The following CADM2 variants were observed in gnomAD, a reference collection of about 807,000 sequenced individuals.
The protein encoded by CADM2 is immunoglobulin superfamily member 4D.
CADM2 carries 12 observed loss-of-function variants against 49.8 expected under a neutral mutation model. The observed-to-expected ratio is 0.24, with a 90% CI of 0.15 to 0.39. The LOEUF is 0.39. Ranked by LOEUF, CADM2 falls within the 10% of genes least tolerant of loss-of-function variation. The pLI is 1.00. For missense variants in CADM2, 378 were observed against 492.3 expected, an observed-to-expected ratio of 0.77 and a Z score of 2.20; for synonymous variants, 214 against 175.4, an observed-to-expected ratio of 1.22 and a Z score of -1.74.
chr3:85,808,648 T>C (rs2072613334), intron 3 of CADM2, among the ~76,000 whole-genome samples: 1 of 152,144 alleles, frequency 6.6e-6, no homozygotes, highest in Admixed American at 6.5e-5. Context: ...TGAGCTTGTA[T>C]GTGTTTTTAT....
chr3:85,992,730 G>A (rs1577887665), intron 8 of CADM2: 1 of 152,166 alleles, frequency 6.6e-6, no homozygotes, highest in African/African-American at 2.4e-5. Context: ...AAATGCTAAT[G>A]ATCGTCTGAG....
At chr3:85,153,364 T>C (rs912072740) in intron 1 of CADM2, among the ~76,000 whole-genome samples, 2 of 152,204 alleles carry the variant, frequency 1.3e-5, no homozygotes, top group Non-Finnish European at 2.9e-5. Context: ...ACCCGAATAC[T>C]GCACTTTTCT....
chr3:85,746,188 G>A (rs2068613508), intron 2 of CADM2, among the ~76,000 whole-genome samples: 1 of 152,138 alleles, frequency 6.6e-6, no homozygotes, highest in African/African-American at 2.4e-5. Context: ...TGGCAATCCA[G>A]TAATAACATC....
At chr3:86,017,345 A>G (rs1009497970) in intron 8 of CADM2, among the ~76,000 whole-genome samples, 2 of 152,040 alleles carry the variant, frequency 1.3e-5, no homozygotes, top group African/African-American at 4.8e-5. Flanking sequence ...CTAATTATTT[A>G]CACAAGAGCT....
intron 8 of CADM2, among the ~76,000 whole-genome samples, chr3:86,057,038 A>C (rs527991722): frequency 2.0e-5 from 3 of 152,326 alleles, no homozygotes; most frequent in African/African-American, 7.2e-5. Context: ...CTATGTGTAA[A>C]TCACTGCACA....
intron 1 of CADM2, among the ~76,000 whole-genome samples, chr3:85,633,868 C>G (rs183834879): frequency 3.9e-4 from 60 of 152,000 alleles, no homozygotes; most frequent in Non-Finnish European, 6.3e-4. Context: ...GGACCTTCAC[C>G]AGTGAGAGTA....
intron 2 of CADM2, among the ~76,000 whole-genome samples, chr3:85,799,050 G>T (rs146186359): frequency 0.051 from 7,764 of 152,012 alleles, 559 homozygotes; most frequent in African/African-American, 0.16. Context: ...ATGGGAGTTT[G>T]CTCATTATTT....
chr3:85,863,589 G>A lies in CADM2; in HGVS notation c.239-19702G>A, dbSNP rs199644777. 5.3e-5 allele frequency among the ~76,000 whole-genome samples: 8 copies of A among 152,242 alleles called. No individual in the cohort carries two copies. The East Asian group carries it at 1.4e-3, about 26-fold the overall frequency. On this transcript the variant is annotated intron_variant, in intron 3 of 9. Transcript: ENST00000383699. ...TGCTCTTCTGCCCCAGGATAATGCA[G>A]CACAAGGCCTTCAGCAGACACTAGC...
At chr3:85,221,412 A>G (rs1055080045) in intron 1 of CADM2, among the ~76,000 whole-genome samples, 17 of 152,276 alleles carry the variant, frequency 1.1e-4, no homozygotes, top group African/African-American at 4.1e-4. Context: ...GTTATTAATT[A>G]TTATTAATAT....
intron 1 of CADM2, among the ~76,000 whole-genome samples, chr3:85,366,984 T>C (rs979071230): frequency 6.6e-6 from 1 of 152,058 alleles, no homozygotes; most frequent in Non-Finnish European, 1.5e-5. Flanking sequence ...ATTGGCTTTT[T>C]CTTGCATAGT....
intron 1 of CADM2, among the ~76,000 whole-genome samples, chr3:85,119,666 CTT>C (rs1432570860): frequency 1.3e-5 from 2 of 152,030 alleles, no homozygotes; most frequent in African/African-American, 4.8e-5. Context: ...TGTGTCCTCT[CTT>C]ATATTCTTGA....
chr3:85,284,978 C>T lies in CADM2; in HGVS notation c.61+325310C>T, dbSNP rs113995234. On this transcript the variant is annotated intron_variant, in intron 1 of 9. Transcript: ENST00000383699. The stretch of plus-strand genomic sequence containing the variant: ...GCCTACTGAAATAATTCTAGAGAAA[C>T]ATGGCAGTGCCTTGGACCAGGAGAT... Among the ~76,000 whole-genome samples the T allele has an allele frequency of 3.5e-3, 526 of 152,172 alleles. 2 individuals carry two copies. Among genetic ancestry groups the T allele is most frequent in the African/African-American group, 0.011 (466 of 41,536 alleles).
chr3:85,352,357 C>A (rs1181500399), intron 1 of CADM2, among the ~76,000 whole-genome samples: 3 of 151,644 alleles, frequency 2.0e-5, no homozygotes, highest in African/African-American at 2.4e-5. Flanking sequence ...GACTATCTTG[C>A]CAAATAAAAA....
intron 8 of CADM2, among the ~76,000 whole-genome samples, chr3:86,029,844 T>A (rs1412187089): frequency 6.6e-6 from 1 of 151,960 alleles, no homozygotes; most frequent in Admixed American, 6.6e-5. Flanking sequence ...TCATCAAAAT[T>A]GTTATATGAG....
intron 1 of CADM2, among the ~76,000 whole-genome samples, chr3:85,637,137 A>G (rs1429918388): frequency 6.6e-6 from 1 of 152,160 alleles, no homozygotes; most frequent in Non-Finnish European, 1.5e-5. Context: ...TTTAAATTGA[A>G]ACATGCATAT....
chr3:85,854,829 T>C (rs1251146807), intron 3 of CADM2, among the ~76,000 whole-genome samples: 1 of 152,070 alleles, frequency 6.6e-6, no homozygotes, highest in African/African-American at 2.4e-5. Context: ...ATGTGTGTCA[T>C]GTCTCTAACT....
intron 1 of CADM2, among the ~76,000 whole-genome samples, chr3:85,041,863 A>G (rs1311844504): frequency 1.3e-5 from 2 of 152,302 alleles, no homozygotes; most frequent in South Asian, 2.1e-4. Flanking sequence ...GAAATGATGG[A>G]AAGTGTCAGA....
Position 85,327,554 on chromosome 3 carries a change from C to CCACACACACACA in CADM2, c.61+367910_61+367921dup, listed in dbSNP as rs71108276. Among the ~76,000 whole-genome samples the CCACACACACACA allele has an allele frequency of 4.9e-3, 672 of 137,166 alleles. 3 individuals carry two copies. Among genetic ancestry groups the CCACACACACACA allele is most frequent in the African/African-American group, 9.8e-3 (353 of 36,072 alleles). The allele number at this position is 137,166 out of a possible 152,430, so 90.0% of individuals were successfully genotyped here. On this transcript the variant is annotated intron_variant, in intron 1 of 9. Transcript: ENST00000383699. Reference sequence around the variant, plus strand: ...TATAGGCATGAGCCACCATGCCCGGCCACACACACACACACACACACACAC... The same window carrying CCACACACACACA: ...TATAGGCATGAGCCACCATGCCCGGCCACACACACACACACACACACACACACACACACACAC...
intron 1 of CADM2, among the ~76,000 whole-genome samples, chr3:85,671,441 A>G (rs1387466702): frequency 6.6e-6 from 1 of 152,190 alleles, no homozygotes; most frequent in Non-Finnish European, 1.5e-5. Flanking sequence ...TTTATAGCTG[A>G]ATACCACTCT....
Sources: allele counts gnomAD v4.1 joint callset (sites outside exome capture counted in the v4.1 genomes callset), GRCh38; gene constraint gnomAD v4.1.1; transcripts MANE v1.5; gene names NCBI Gene and HGNC (gene_info 2026-07-23, HGNC 2026-07-21).